The following HIGD2B variants were observed in gnomAD, a reference collection of about 807,000 sequenced individuals.
HIGD2B encodes HIG1 domain family member 2B.
For missense variants in HIGD2B, 106 were observed against 67.0 expected, an observed-to-expected ratio of 1.58 and a Z score of -2.03; for synonymous variants, 45 against 28.1, an observed-to-expected ratio of 1.60 and a Z score of -1.90.
chr15:72,684,113 A>G lies in HIGD2B; in HGVS notation c.-193+1705T>C, dbSNP rs567947071. Among the ~76,000 whole-genome samples the G allele has an allele frequency of 1.4e-4, 21 of 152,182 alleles. No homozygotes were observed. In the South Asian group the frequency reaches 3.7e-3, roughly 27 times the overall value. ...TGTCCAGGTTCTTGGTGTCTTGAAA[A>G]AAGAATTGGACAAAATGCACAAACA... On this transcript the variant is annotated intron_variant, in intron 1 of 2. Coordinates refer to ENST00000311755, the MANE Select transcript of HIGD2B (RefSeq NM_001350932.3).
At position 72,686,088 on chromosome 15, in the gene HIGD2B, C is replaced by T. The variant is rs1034275828; in HGVS notation, c.-463G>A. ...CTTCTGTGGAGCAGACCCTAATCCT[C>T]CCCCTGATTCCTTAGGTCACTCGGC... On this transcript the variant is annotated 5_prime_UTR_variant, in exon 1 of 3. Coordinates refer to ENST00000311755, the MANE Select transcript of HIGD2B (RefSeq NM_001350932.3). 6 of 882,602 alleles carry T rather than the reference C, an allele frequency of 6.8e-6. No individual in the cohort carries two copies. Among genetic ancestry groups the T allele is most frequent in the African/African-American group, 1.7e-5 (1 of 60,562 alleles). 54.7% of individuals were successfully genotyped at this position (882,602 alleles called of 1,614,324 possible).
chr15:72,681,453 T>C (rs2064748787), intron 1 of HIGD2B, among the ~76,000 whole-genome samples: 1 of 152,178 alleles, frequency 6.6e-6, no homozygotes, highest in Non-Finnish European at 1.5e-5. Flanking sequence ...GGTTTTATGA[T>C]ATTTGTTCCT....
intron 2 of HIGD2B, among the ~76,000 whole-genome samples, chr15:72,678,342 C>A (rs1013528186): frequency 3.9e-5 from 6 of 152,092 alleles, no homozygotes; most frequent in Admixed American, 2.0e-4. Flanking sequence ...GTCACCCAGG[C>A]TGGAGTTTGG....
chr15:72,679,918 G>A (rs1467842652), intron 2 of HIGD2B, 97 bp downstream of exon 2: 2 of 187,370 alleles, frequency 1.1e-5, no homozygotes, highest in African/African-American at 4.7e-5. Context: ...ACAAGAAAGG[G>A]TCTCTGTTAA....
intron 2 of HIGD2B, among the ~76,000 whole-genome samples, chr15:72,676,815 G>C (rs1310281775): frequency 6.6e-6 from 1 of 152,172 alleles, no homozygotes; most frequent in Non-Finnish European, 1.5e-5. Context: ...GAATGGGGAG[G>C]TGGTGGGAAG....
intron 1 of HIGD2B, among the ~76,000 whole-genome samples, chr15:72,680,406 A>G (rs1167899639): frequency 6.6e-6 from 1 of 152,244 alleles, no homozygotes; most frequent in African/African-American, 2.4e-5. Context: ...AAATGAGATC[A>G]TGAATAAACT....
At chr15:72,681,599 AT>A (rs1266238285) in intron 1 of HIGD2B, among the ~76,000 whole-genome samples, 2,078 of 117,358 alleles carry the variant, frequency 0.018, 78 homozygotes, top group Admixed American at 0.039. Context: ...TTGAACCAAA[AT>A]TTTTTTTTTT....
At chr15:72,681,700 G>T (rs1021700364) in intron 1 of HIGD2B, among the ~76,000 whole-genome samples, 1 of 148,690 alleles carries the variant, frequency 6.7e-6, no homozygotes, top group Non-Finnish European at 1.5e-5. Context: ...TCCACCTCCC[G>T]GGTTCAAGTG....
Position 72,685,931 on chromosome 15 carries a change from T to A in HIGD2B, c.-306A>T. On this transcript the variant is annotated 5_prime_UTR_variant, in exon 1 of 3. Transcript: ENST00000311755. Reference sequence around the variant, plus strand: ...GGGAGAACTAGGCTGCCATCCCAGGTGGCTGGCCTACCAGCCAGCGCGGCC... The same window carrying A: ...GGGAGAACTAGGCTGCCATCCCAGGAGGCTGGCCTACCAGCCAGCGCGGCC... The A allele has an allele frequency of 1.9e-6, 1 of 536,908 alleles. No homozygotes were observed. The highest frequency in any genetic ancestry group is 3.4e-6 in the Non-Finnish European group (1 of 296,548). 33.3% of individuals were successfully genotyped at this position (536,908 alleles called of 1,614,324 possible).
Position 72,676,229 on chromosome 15 carries a change from A to G in HIGD2B, c.146T>C (p.Val49Ala), listed in dbSNP as rs1231756547. 1.3e-6 allele frequency: 1 copy of G among 766,984 alleles called. No homozygotes were observed. The highest frequency in any genetic ancestry group is 1.3e-5 in the South Asian group (1 of 74,182). 47.5% of individuals were successfully genotyped at this position (766,984 alleles called of 1,614,324 possible). A position where few individuals can be genotyped will look rare whatever the true frequency, so the allele number is the denominator to read the frequency against. The change falls in exon 3 of 3, where the codon GTA (valine) becomes GCA (alanine). Residue 49 changes from valine to alanine, a missense_variant. Transcript: ENST00000311755. ...CGCCGTGCACAGGAAACCTATGGGT[A>G]CCACCGGATTCTCGCGGGTCTTGCG... is the stretch of plus-strand genomic sequence containing the variant. ...FLRKTRENPV[V>A]PIGFLCTAAV...
At chr15:72,679,365 C>A (rs1234640278) in intron 2 of HIGD2B, among the ~76,000 whole-genome samples, 103 of 123,468 alleles carry the variant, frequency 8.3e-4, no homozygotes, top group Admixed American at 1.1e-3. Flanking sequence ...AACTGTGTCT[C>A]AAAAAAAAAA....
chr15:72,679,769 T>C (rs559661041), intron 2 of HIGD2B, among the ~76,000 whole-genome samples: 2 of 152,252 alleles, frequency 1.3e-5, no homozygotes, highest in South Asian at 4.2e-4. Flanking sequence ...AAAAAAAATG[T>C]CCAACAGGGT....
In HIGD2B at chr15:72,681,552, C is replaced by T. The variant is rs185092318; in HGVS notation, c.-192-1359G>A. On this transcript the variant is annotated intron_variant, in intron 1 of 2. Transcript: ENST00000311755. ...CTTTTTTCTCCAAGCAAAACATTCT[C>T]CCCAGTGAATAGAAAATCTTGTTTT... Among the ~76,000 whole-genome samples the T allele has an allele frequency of 4.4e-3, 666 of 152,092 alleles. 5 individuals carry two copies. The highest frequency in any genetic ancestry group is 6.8e-3 in the Middle Eastern group (2 of 294).
chr15:72,679,097 G>C (rs149224066), intron 2 of HIGD2B, among the ~76,000 whole-genome samples: 1 of 151,780 alleles, frequency 6.6e-6, no homozygotes. Context: ...GCAGCCAGGC[G>C]TAGTGGCTCA....
chr15:72,679,199 A>C (rs549571924), intron 2 of HIGD2B, among the ~76,000 whole-genome samples: 1 of 151,836 alleles, frequency 6.6e-6, no homozygotes, highest in South Asian at 2.1e-4. Flanking sequence ...CCTCATCTTT[A>C]CTAAAAATAC....
At chr15:72,677,442 G>A (rs571884697) in intron 2 of HIGD2B, among the ~76,000 whole-genome samples, 3 of 151,740 alleles carry the variant, frequency 2.0e-5, no homozygotes, top group Non-Finnish European at 4.4e-5. Context: ...ATAATGTTCT[G>A]TTTGGGAAAG....
Position 72,686,149 on chromosome 15 carries a change from C to A in HIGD2B, c.-524G>T. On this transcript the variant is annotated 5_prime_UTR_variant, in exon 1 of 3. Transcript: ENST00000311755. Reference sequence around the variant, plus strand: ...CTTCCCCCGCTTCCTCACAGTCCTCCACAGCCCTACGACTTCCGCTTGCCT... The same window carrying A: ...CTTCCCCCGCTTCCTCACAGTCCTCAACAGCCCTACGACTTCCGCTTGCCT... 1 of 1,448,434 alleles carries A rather than the reference C, an allele frequency of 6.9e-7. No homozygotes were observed. The highest frequency in any genetic ancestry group is 9.4e-7 in the Non-Finnish European group (1 of 1,060,406). 89.7% of individuals were successfully genotyped at this position (1,448,434 alleles called of 1,614,324 possible).
In HIGD2B at chr15:72,683,898, C is replaced by CT. The variant is rs10592674; in HGVS notation, c.-193+1919dup. On this transcript the variant is annotated intron_variant, in intron 1 of 2. Coordinates refer to ENST00000311755, the MANE Select transcript of HIGD2B (RefSeq NM_001350932.3). The stretch of plus-strand genomic sequence containing the variant: ...AATTAATAATTTTTCATCTTTATAT[C>CT]TTTTTTTTTTTTTTTGAGACAGTCT... Among the ~76,000 whole-genome samples the CT allele has an allele frequency of 7.4e-4, 104 of 141,188 alleles. 1 individual carries two copies. The highest frequency in any genetic ancestry group is 2.5e-3 in the African/African-American group (98 of 39,212). 92.6% of individuals were successfully genotyped at this position (141,188 alleles called of 152,430 possible). A position where few individuals can be genotyped will look rare whatever the true frequency, so the allele number is the denominator to read the frequency against.
In HIGD2B at chr15:72,676,172, T is replaced by C. The variant is rs546591512; in HGVS notation, c.203A>G (p.His68Arg). 2 of 762,962 alleles carry C rather than the reference T, an allele frequency of 2.6e-6. No homozygotes were observed. Among genetic ancestry groups the C allele is most frequent in the Non-Finnish European group, 4.8e-6 (2 of 416,100 alleles). 47.3% of individuals were successfully genotyped at this position (762,962 alleles called of 1,614,324 possible). A position where few individuals can be genotyped will look rare whatever the true frequency, so the allele number is the denominator to read the frequency against. ...CCGTGAACATTGGCTGTTGCCCTGG[T>C]GGAAGCAGTAGAGGCCGTTGGTGAG... Reference protein sequence around the residue: ...AVLTNGLYCFHQGNSQCSRLM... With the variant: ...AVLTNGLYCFRQGNSQCSRLM... The change falls in exon 3 of 3, where the codon CAC (histidine) becomes CGC (arginine). Residue 68 changes from histidine to arginine, a missense_variant. Coordinates refer to ENST00000311755, the MANE Select transcript of HIGD2B (RefSeq NM_001350932.3).
Sources: allele counts gnomAD v4.1 joint callset (sites outside exome capture counted in the v4.1 genomes callset), GRCh38; gene constraint gnomAD v4.1.1; transcripts MANE v1.5; gene names NCBI Gene and HGNC (gene_info 2026-07-23, HGNC 2026-07-21).